The following TOGARAM2 variants were observed in gnomAD, a reference collection of about 807,000 sequenced individuals.
The protein encoded by TOGARAM2 is TOG array regulator of axonemal microtubules 2.
A neutral mutation model predicts 93.3 loss-of-function variants in TOGARAM2; 85 were observed. The ratio of observed to expected loss-of-function variants is 0.91; its 90% CI spans 0.76 to 1.09. The LOEUF (loss-of-function observed/expected upper bound fraction) is 1.09, where lower values mean the gene tolerates loss of function less well. TOGARAM2 is among the 50% of genes least tolerant of loss of function. The pLI, the probability that TOGARAM2 is intolerant of heterozygous loss-of-function variation, is 0.00. For missense variants in TOGARAM2, 1,277 were observed against 1,334.5 expected (o/e 0.96, Z 0.67); for synonymous variants, 593 against 552.8 (o/e 1.07, Z -1.02).
At chr2:29,017,122 G>A (rs1364182847) in intron 8 of TOGARAM2, 32 bp from the exon 9 acceptor site, 22 of 1,604,784 alleles carry the variant, frequency 1.4e-5, no homozygotes, top group Non-Finnish European at 1.8e-5. Flanking sequence ...ATGAATGGGA[G>A]GTTAATAGAG....
rs576232029 is a variant in TOGARAM2 at position 29,040,435 on chromosome 2, T to C, written c.2635+3678T>C. 1.1e-4 allele frequency among the ~76,000 whole-genome samples: 16 copies of C among 152,352 alleles called. No individual in the cohort carries two copies. In the East Asian group the frequency reaches 2.7e-3, roughly 26 times the overall value. On this transcript the variant is annotated intron_variant, in intron 18 of 19. Transcript: ENST00000379558. ...AACATTTGGCATTTTTTTGAGTTTT[T>C]TCCTGTGCACATTTGTGTACATGGT...
chr2:29,040,773 C>T (rs906690802), intron 18 of TOGARAM2, among the ~76,000 whole-genome samples: 1 of 152,144 alleles, frequency 6.6e-6, no homozygotes, highest in Non-Finnish European at 1.5e-5. Context: ...TCCGCCACTG[C>T]GCCATAAGGC....
intron 2 of TOGARAM2, among the ~76,000 whole-genome samples, chr2:28,995,762 G>T (rs145362259): frequency 4.9e-4 from 74 of 152,370 alleles, no homozygotes; most frequent in African/African-American, 1.6e-3. Flanking sequence ...CACACAGGTG[G>T]AAAAAGTGGG....
chr2:28,995,480 C>T (rs569885272), intron 2 of TOGARAM2, among the ~76,000 whole-genome samples: 13 of 152,330 alleles, frequency 8.5e-5, no homozygotes, highest in South Asian at 2.1e-4. Context: ...GCCAGAGCAG[C>T]GGTTCAGGAG....
chr2:29,030,291 T>A (rs1037258297), intron 14 of TOGARAM2, among the ~76,000 whole-genome samples: 4 of 151,928 alleles, frequency 2.6e-5, no homozygotes, highest in African/African-American at 9.6e-5. Flanking sequence ...AATAAATAAA[T>A]AAAAAAATCA....
Position 28,990,891 on chromosome 2 carries a change from T to G in TOGARAM2, c.-110-3834T>G, listed in dbSNP as rs569749577. ...CTGTCTCCTCCGCATGAGAGGCGTC[T>G]CTGTCACCTGGGTCTGTCTTATAGG... is the stretch of plus-strand genomic sequence containing the variant. On this transcript the variant is annotated intron_variant, in intron 1 of 19. Coordinates refer to ENST00000379558, the MANE Select transcript of TOGARAM2 (RefSeq NM_199280.4). Among the ~76,000 whole-genome samples the G allele has an allele frequency of 1.2e-4, 18 of 152,134 alleles. No homozygotes were observed. The East Asian group carries it at 3.5e-3, about 30-fold the overall frequency.
Position 29,022,318 on chromosome 2 carries a change from T to C in TOGARAM2, c.1511+10T>C, listed in dbSNP as rs925545350. ...TCAACAGCAGTGACTGGTGAGGAGA[T>C]GCTTCCACCACGTGCTGTGTTCTGG... On this transcript the variant is annotated intron_variant, in intron 11 of 19. Coordinates refer to ENST00000379558, the MANE Select transcript of TOGARAM2 (RefSeq NM_199280.4). The C allele has an allele frequency of 4.3e-6, 7 of 1,613,750 alleles. No homozygotes were observed. Among genetic ancestry groups the C allele is most frequent in the African/African-American group, 4.0e-5 (3 of 75,056 alleles).
intron 7 of TOGARAM2, among the ~76,000 whole-genome samples, chr2:29,013,725 A>G (rs1431564722): frequency 6.6e-6 from 1 of 152,246 alleles, no homozygotes; most frequent in Non-Finnish European, 1.5e-5. Flanking sequence ...GGCAGCTAGC[A>G]GCTGATTGGA....
intron 18 of TOGARAM2, among the ~76,000 whole-genome samples, chr2:29,037,193 G>A (rs993590036): frequency 5.5e-4 from 84 of 152,174 alleles, no homozygotes; most frequent in Admixed American, 2.0e-4. Context: ...AGAGCCATCA[G>A]GAAAGGTGAG....
intron 6 of TOGARAM2, among the ~76,000 whole-genome samples, chr2:29,007,640 C>T (rs1464569978): frequency 6.6e-6 from 1 of 152,142 alleles, no homozygotes; most frequent in South Asian, 2.1e-4. Flanking sequence ...ACCTTGCACA[C>T]CTCTTGCAGG....
intron 8 of TOGARAM2, 140 bp from the exon 9 acceptor site, chr2:29,017,014 G>C (rs116725609): frequency 1.9e-6 from 2 of 1,031,882 alleles, no homozygotes; most frequent in Non-Finnish European, 2.9e-6. Context: ...ACACTTCAAA[G>C]CTCTTAAGGT....
chr2:28,970,580 A>G (rs922450623), intron 1 of TOGARAM2, among the ~76,000 whole-genome samples: 1 of 152,158 alleles, frequency 6.6e-6, no homozygotes, highest in Non-Finnish European at 1.5e-5. Context: ...TGTCCTGCCT[A>G]TTAATGTGGG....
At chr2:29,024,105 C>G (rs2148350190) in intron 12 of TOGARAM2, 34 bp from the exon 13 acceptor site, 1 of 1,539,516 alleles carries the variant, frequency 6.5e-7, no homozygotes, top group East Asian at 2.4e-5. Context: ...TGGCAGGGTC[C>G]AGCACCCTGG....
intron 7 of TOGARAM2, among the ~76,000 whole-genome samples, chr2:29,013,567 G>A (rs1168740286): frequency 6.6e-6 from 1 of 152,210 alleles, no homozygotes; most frequent in African/African-American, 2.4e-5. Flanking sequence ...GCAAGTCTCA[G>A]AGTCCAAAGG....
intron 6 of TOGARAM2, among the ~76,000 whole-genome samples, chr2:29,008,950 C>T (rs1014574586): frequency 2.0e-5 from 3 of 152,216 alleles, no homozygotes; most frequent in African/African-American, 7.2e-5. Flanking sequence ...GTGGGGCTCT[C>T]TAGCCAATGG....
At chr2:29,050,321 C>G (rs185631734) in intron 19 of TOGARAM2, 17 of 152,294 alleles carry the variant, frequency 1.1e-4, no homozygotes, top group African/African-American at 4.1e-4. Context: ...TCGTGCCACT[C>G]TACTCCAGCC....
upstream of TOGARAM2, among the ~76,000 whole-genome samples, chr2:28,980,077 G>A (rs1672120222): frequency 6.6e-6 from 1 of 152,222 alleles, no homozygotes; most frequent in South Asian, 2.1e-4. Flanking sequence ...AATCCGCACA[G>A]CCACTGTTCC....
At chr2:29,025,270 T>A (rs754320953) in intron 13 of TOGARAM2, among the ~76,000 whole-genome samples, 1 of 152,222 alleles carries the variant, frequency 6.6e-6, no homozygotes, top group Non-Finnish European at 1.5e-5. Context: ...GTCTACCTCA[T>A]GAGGTTGTTA....
intron 1 of TOGARAM2, among the ~76,000 whole-genome samples, chr2:28,990,811 G>A (rs1672683220): frequency 6.6e-6 from 1 of 152,044 alleles, no homozygotes; most frequent in South Asian, 2.1e-4. Context: ...ATGGGTGAGA[G>A]CTGGAGGGGG....
Sources: gnomAD v4.1 joint callset for allele counts (sites outside exome capture counted in the v4.1 genomes callset) on GRCh38, gnomAD v4.1.1 for gene constraint, MANE v1.5 for transcripts, NCBI Gene and HGNC (gene_info 2026-07-23, HGNC 2026-07-21) for gene names.